The following IQCJ variants were observed in gnomAD, a reference collection of about 807,000 sequenced individuals.
The protein encoded by IQCJ is IQ domain-containing protein J.
Under a neutral mutation model 11.0 loss-of-function variants are expected in IQCJ, and 9 were observed. That is an observed-to-expected ratio of 0.82 (90% CI 0.49 to 1.43). The LOEUF is 1.43. Among genes scored for constraint, IQCJ ranks in the 40% most tolerant of loss-of-function variants. The pLI is 0.00. For missense variants in IQCJ, 146 were observed against 133.2 expected (o/e 1.10, Z -0.47); for synonymous variants, 55 against 51.3 (o/e 1.07, Z -0.31).
At chr3:159,162,939 C>A (rs1443902415) in intron 1 of IQCJ, among the ~76,000 whole-genome samples, 2 of 152,128 alleles carry the variant, frequency 1.3e-5, no homozygotes, top group Non-Finnish European at 2.9e-5. Flanking sequence ...CAGTAGCTTA[C>A]CAACTAAAAA....
chr3:159,200,212 A>G (rs1724249349), intron 1 of IQCJ, among the ~76,000 whole-genome samples: 1 of 150,830 alleles, frequency 6.6e-6, no homozygotes, highest in South Asian at 2.1e-4. Flanking sequence ...GATAACATTG[A>G]GATTCATAGC....
downstream of IQCJ, among the ~76,000 whole-genome samples, chr3:159,264,276 T>C (rs1285871317): frequency 6.6e-6 from 1 of 152,240 alleles, no homozygotes; most frequent in Non-Finnish European, 1.5e-5. Context: ...TGAGAATATA[T>C]GTTTGTTTTA....
At chr3:159,114,954 G>A (rs1354896090) in intron 1 of IQCJ, among the ~76,000 whole-genome samples, 1 of 152,188 alleles carries the variant, frequency 6.6e-6, no homozygotes, top group Admixed American at 6.5e-5. Context: ...GGGTTAGTGT[G>A]TAATTCATGC....
At chr3:159,116,577 C>T (rs1719011445) in intron 1 of IQCJ, among the ~76,000 whole-genome samples, 1 of 131,136 alleles carries the variant, frequency 7.6e-6, no homozygotes, top group Admixed American at 8.4e-5. Flanking sequence ...TATGAAAGAG[C>T]TATACCTCTT....
At chr3:159,164,752 A>G (rs1055779080) in intron 1 of IQCJ, among the ~76,000 whole-genome samples, 11 of 152,192 alleles carry the variant, frequency 7.2e-5, no homozygotes, top group Admixed American at 3.3e-4. Flanking sequence ...TGGGTGACAG[A>G]GAGAGACTCC....
chr3:159,253,651 T>C (rs1727732403), intron 3 of IQCJ, among the ~76,000 whole-genome samples: 1 of 151,222 alleles, frequency 6.6e-6, no homozygotes, highest in Admixed American at 6.6e-5. Flanking sequence ...ACACTCAGTA[T>C]AACACTCCGA....
chr3:159,150,817 A>G (rs1460784511), intron 1 of IQCJ, among the ~76,000 whole-genome samples: 1 of 152,220 alleles, frequency 6.6e-6, no homozygotes, highest in African/African-American at 2.4e-5. Flanking sequence ...TCATAAGCAC[A>G]TTCTGCCAAT....
At chr3:159,167,887 A>C (rs4680493) in intron 1 of IQCJ, among the ~76,000 whole-genome samples, 63,054 of 152,118 alleles carry the variant, frequency 0.41, 13,696 homozygotes, top group South Asian at 0.57. Flanking sequence ...ACAAGAGATA[A>C]AACTTAATTC....
chr3:159,132,228 C>A (rs545836530), intron 1 of IQCJ, among the ~76,000 whole-genome samples: 1 of 152,096 alleles, frequency 6.6e-6, no homozygotes, highest in Non-Finnish European at 1.5e-5. Context: ...TGGAAGTTAC[C>A]TTGGGGTTGT....
At chr3:159,095,376 TA>T (rs924553028) in intron 1 of IQCJ, among the ~76,000 whole-genome samples, 1 of 151,190 alleles carries the variant, frequency 6.6e-6, no homozygotes, top group Admixed American at 6.6e-5. Flanking sequence ...TTATTTTTTT[TA>T]TTATACTCTA....
chr3:159,189,982 C>T (rs1723590492), intron 1 of IQCJ, among the ~76,000 whole-genome samples: 1 of 152,160 alleles, frequency 6.6e-6, no homozygotes, highest in Non-Finnish European at 1.5e-5. Context: ...ATAGGAATGC[C>T]TGAAAATATT....
At chr3:159,191,929 T>A (rs1383007903) in intron 1 of IQCJ, among the ~76,000 whole-genome samples, 1 of 152,210 alleles carries the variant, frequency 6.6e-6, no homozygotes, top group Non-Finnish European at 1.5e-5. Flanking sequence ...TGTTGGTATC[T>A]TTGGTACATT....
intron 1 of IQCJ, among the ~76,000 whole-genome samples, chr3:159,086,448 T>G (rs377363372): frequency 1.1e-4 from 17 of 152,138 alleles, no homozygotes; most frequent in East Asian, 7.7e-4. Flanking sequence ...TTCCAATTCT[T>G]TGAAGAAAGT....
At chr3:159,212,055 C>A (rs1426612427) in intron 1 of IQCJ, among the ~76,000 whole-genome samples, 1 of 150,960 alleles carries the variant, frequency 6.6e-6, no homozygotes, top group Non-Finnish European at 1.5e-5. Flanking sequence ...CTAGATAAGA[C>A]CAAATGATGC....
At chr3:159,203,199 C>T (rs1481102773) in intron 1 of IQCJ, among the ~76,000 whole-genome samples, 1 of 147,350 alleles carries the variant, frequency 6.8e-6, no homozygotes, top group East Asian at 2.0e-4. Context: ...AGGGAGTTTT[C>T]CCTTTTCTTG....
chr3:159,202,814 A>C (rs1468910014), intron 1 of IQCJ, among the ~76,000 whole-genome samples: 1 of 152,006 alleles, frequency 6.6e-6, no homozygotes, highest in East Asian at 1.9e-4. Context: ...AAGCCAAGCA[A>C]ATTTTAAATA....
At chr3:159,142,427 C>A (rs116284063) in intron 1 of IQCJ, among the ~76,000 whole-genome samples, 7 of 128,016 alleles carry the variant, frequency 5.5e-5, no homozygotes, top group South Asian at 2.6e-4. Flanking sequence ...GTCTTTTCCC[C>A]CCCCCACCAG....
At chr3:159,192,781 CA>C (rs1280575892) in intron 1 of IQCJ, among the ~76,000 whole-genome samples, 1 of 152,190 alleles carries the variant, frequency 6.6e-6, no homozygotes, top group Non-Finnish European at 1.5e-5. Flanking sequence ...GCATGCACTA[CA>C]GGTTATTCCT....
chr3:159,075,289 G>A (rs886618260), intron 1 of IQCJ, among the ~76,000 whole-genome samples: 1 of 152,114 alleles, frequency 6.6e-6, no homozygotes, highest in South Asian at 2.1e-4. Context: ...TTACTGTAGA[G>A]TGCAGGAAAA....
Sources: allele counts gnomAD v4.1 joint callset (sites outside exome capture counted in the v4.1 genomes callset), GRCh38; gene constraint gnomAD v4.1.1; transcripts MANE v1.5; gene names NCBI Gene and HGNC (gene_info 2026-07-23, HGNC 2026-07-21).